The following TOP1MT variants were observed in gnomAD, a reference collection of about 807,000 sequenced individuals.
TOP1MT encodes the protein DNA topoisomerase I mitochondrial, also known as DNA topoisomerase I, mitochondrial.
TOP1MT carries 80 observed loss-of-function variants against 73.9 expected under a neutral mutation model. The ratio of observed to expected loss-of-function variants is 1.08; its 90% CI spans 0.90 to 1.30. TOP1MT has a LOEUF of 1.30. Ranked by LOEUF, TOP1MT falls within the 50% of genes most tolerant of loss-of-function variation. The pLI is 0.00. For missense variants in TOP1MT, 815 were observed against 808.0 expected (o/e 1.01, Z -0.10); for synonymous variants, 338 against 326.4 (o/e 1.04, Z -0.38).
chr8:143,346,791 CA>C (rs1203797518), upstream of TOP1MT, among the ~76,000 whole-genome samples: 1 of 152,068 alleles, frequency 6.6e-6, no homozygotes, highest in East Asian at 1.9e-4. Context: ...TGCATTACCC[CA>C]GGGGCAGAAG....
intron 6 of TOP1MT, 21 bp from the exon 7 acceptor site, chr8:143,324,163 G>A (rs1430659640): frequency 1.2e-6 from 2 of 1,611,640 alleles, no homozygotes; most frequent in East Asian, 2.2e-5. Context: ...AAAATAACAG[G>A]AAAGAAAACA....
rs566273145 is a variant in TOP1MT, at chr8:143,309,964, G to GGGGACAC, written c.1703+97_1703+103dup. On this transcript the variant is annotated intron_variant, in intron 13 of 13. Transcript: ENST00000329245. ...ACAGGGAGGGCCTGTGCTGACCCCA[G>GGGGACAC]GGGACACGGGACAAGGGCAATGCTG... The GGGGACAC allele has an allele frequency of 1.2e-4, 185 of 1,597,140 alleles. No individual in the cohort carries two copies. The African/African-American group carries it at 2.2e-3, about 19-fold the overall frequency.
chr8:143,356,353 G>C (rs377408191), upstream of TOP1MT, among the ~76,000 whole-genome samples: 2 of 152,218 alleles, frequency 1.3e-5, no homozygotes, highest in Non-Finnish European at 2.9e-5. Context: ...CCCTACACAC[G>C]ACCCAGGCAG....
intron 6 of TOP1MT, 134 bp downstream of exon 6, chr8:143,324,350 AT>A (rs1176007370): frequency 6.6e-5 from 93 of 1,410,612 alleles, no homozygotes; most frequent in Admixed American, 4.4e-5. Flanking sequence ...CTGGCACAGC[AT>A]GACCTCAGCA....
upstream of TOP1MT, among the ~76,000 whole-genome samples, chr8:143,349,379 T>C (rs1817283760): frequency 7.2e-6 from 1 of 139,382 alleles, no homozygotes; most frequent in African/African-American, 2.7e-5. Flanking sequence ...GTGTACCTAA[T>C]GGCTGTTGGA....
At chr8:143,335,580 C>A (rs796097844), upstream of TOP1MT, among the ~76,000 whole-genome samples, 29 of 152,352 alleles carry the variant, frequency 1.9e-4, no homozygotes, top group African/African-American at 6.7e-4. Flanking sequence ...GGAGCATGGC[C>A]AAGGGGCAAA....
intron 1 of TOP1MT, among the ~76,000 whole-genome samples, chr8:143,354,551 A>G (rs1456513008): frequency 1.3e-5 from 2 of 152,090 alleles, no homozygotes; most frequent in Non-Finnish European, 2.9e-5. Context: ...CGTCTCTACT[A>G]AAAATACAAA....
chr8:143,319,676 T>G (rs724037), intron 8 of TOP1MT, among the ~76,000 whole-genome samples: 76,467 of 151,920 alleles, frequency 0.5, 20,708 homozygotes, highest in East Asian at 0.76. Context: ...TCTGGGCATC[T>G]ATGCTGGTGG....
At chr8:143,316,266 C>A (rs541711701) in intron 10 of TOP1MT, 140 bp from the exon 11 acceptor site, 2 of 1,364,316 alleles carry the variant, frequency 1.5e-6, no homozygotes, top group Non-Finnish European at 2.0e-6. Flanking sequence ...GAGTGAGGGC[C>A]AAGGGTCAGT....
chr8:143,342,751 T>C (rs1817145757), intron 2 of TOP1MT, among the ~76,000 whole-genome samples: 2 of 124,694 alleles, frequency 1.6e-5, no homozygotes, highest in Non-Finnish European at 3.5e-5. Context: ...CGCTCTGTTA[T>C]TATTATTAGA....
intron 12 of TOP1MT, among the ~76,000 whole-genome samples, chr8:143,313,876 A>G (rs946098130): frequency 6.6e-6 from 1 of 151,316 alleles, no homozygotes; most frequent in Non-Finnish European, 1.5e-5. Flanking sequence ...AAAAAAAAAG[A>G]AAGAACAAAG....
chr8:143,311,409 G>A (rs1315013471), intron 12 of TOP1MT, among the ~76,000 whole-genome samples: 3 of 152,138 alleles, frequency 2.0e-5, no homozygotes, highest in East Asian at 3.8e-4. Context: ...ACAGACCCCT[G>A]CATCTCCGGA....
intron 1 of TOP1MT, among the ~76,000 whole-genome samples, chr8:143,331,988 T>A (rs2130327833): frequency 6.8e-6 from 1 of 146,758 alleles, no homozygotes; most frequent in East Asian, 2.1e-4. Flanking sequence ...ACAGTGAGGC[T>A]CCACAGGGCT....
At position 143,331,394 on chromosome 8, in the gene TOP1MT, C is replaced by A. The variant is rs1277105322; in HGVS notation, c.123-55G>T. The A allele has an allele frequency of 1.1e-5, 16 of 1,467,600 alleles. 1 individual carries two copies. In the South Asian group the frequency reaches 1.9e-4, roughly 18 times the overall value. The allele number at this position is 1,467,600 out of a possible 1,614,324, so 90.9% of individuals were successfully genotyped here. A position where few individuals can be genotyped will look rare whatever the true frequency, so the allele number is the denominator to read the frequency against. ...CCTGGGCCAGGCCCTGCATGAGCCT[C>A]TTCCCCGCTCCCACAGTGGCTCCTC... is the stretch of plus-strand genomic sequence containing the variant. On this transcript the variant is annotated intron_variant, in intron 1 of 13. Transcript: ENST00000329245.
At chr8:143,323,270 G>A (rs1173427759) in intron 7 of TOP1MT, among the ~76,000 whole-genome samples, 36 of 45,640 alleles carry the variant, frequency 7.9e-4, no homozygotes, top group Middle Eastern at 0.021. Context: ...ACACATGCAC[G>A]CCACACACGC....
At chr8:143,322,013 G>A (rs1221336267) in intron 7 of TOP1MT, among the ~76,000 whole-genome samples, 2 of 72,082 alleles carry the variant, frequency 2.8e-5, no homozygotes, top group African/African-American at 5.1e-5. Flanking sequence ...ACACATGCAC[G>A]CCACACCCAC....
rs754466329 is a variant in TOP1MT at position 143,310,146 on chromosome 8, G to A, written c.1625C>T (p.Thr542Met). The change falls in exon 13 of 14, where the codon ACG (threonine) becomes ATG (methionine). Residue 542 changes from threonine to methionine, a missense_variant. Transcript: ENST00000329245. The stretch of plus-strand genomic sequence containing the variant: ...CACCTGCTTGTTCTCCTCCTTGTCC[G>A]TGGCCTGCACACTCAGCTGCGCCAG... ...EQLAQLSVQA[T>M]DKEENKQVAL... 4.9e-5 allele frequency: 79 copies of A among 1,612,606 alleles called. 1 individual carries two copies. Among genetic ancestry groups the A allele is most frequent in the Middle Eastern group, 1.7e-4 (1 of 6,054 alleles).
At position 143,329,356 on chromosome 8, in the gene TOP1MT, C is replaced by T; in HGVS notation, c.354G>A (p.Trp118Ter). The T allele has an allele frequency of 3.7e-6, 6 of 1,606,798 alleles. No individual in the cohort carries two copies. Among genetic ancestry groups the T allele is most frequent in the Non-Finnish European group, 4.2e-6 (5 of 1,177,904 alleles). ...EVFRKNFFND[W>*]RKEMAVEERE... ...GGCCGCCCAGGGTACCTACCTTTCGCCAGTCATTGAAGAAGTTCTTCCGGA... is the reference window on the plus strand; with the variant it reads ...GGCCGCCCAGGGTACCTACCTTTCGTCAGTCATTGAAGAAGTTCTTCCGGA... Residue 118 changes from tryptophan to a stop codon, truncating the protein, a stop_gained, in exon 3 of 14, where the codon TGG becomes TGA. Transcript: ENST00000329245. LOFTEE classifies it high-confidence loss of function.
chr8:143,321,977 ACG>A (rs1243732723), intron 7 of TOP1MT, among the ~76,000 whole-genome samples: 3 of 116,994 alleles, frequency 2.6e-5, no homozygotes, highest in African/African-American at 6.4e-5. Context: ...TGCTCACCAC[ACG>A]CACGCCACAC....
Sources: allele counts gnomAD v4.1 joint callset (sites outside exome capture counted in the v4.1 genomes callset), GRCh38; gene constraint gnomAD v4.1.1; transcripts MANE v1.5; gene names NCBI Gene and HGNC (gene_info 2026-07-23, HGNC 2026-07-21).